Variants in FRMD4A observed in about 807,000 individuals in gnomAD.
FRMD4A encodes the protein FERM domain-containing protein 4A.
Under a neutral mutation model 129.1 loss-of-function variants are expected in FRMD4A, and 29 were observed. The observed-to-expected ratio is 0.22, with a 90% confidence interval of 0.17 to 0.31. The LOEUF is 0.31. Ranked by LOEUF, FRMD4A falls within the 10% of genes least tolerant of loss-of-function variation. FRMD4A has a pLI of 1.00. For missense variants in FRMD4A, 1,272 were observed against 1,375.8 expected (o/e 0.92, Z 1.19); for synonymous variants, 634 against 571.6 (o/e 1.11, Z -1.56).
intron 7 of FRMD4A, 103 bp downstream of exon 7, chr10:13,762,521 C>A: frequency 1.4e-6 from 1 of 704,058 alleles, no homozygotes. Context: ...GGTAAGACGA[C>A]AAATAGTGAG....
At chr10:14,220,929 A>G (rs994288331) in intron 2 of FRMD4A, among the ~76,000 whole-genome samples, 2 of 151,978 alleles carry the variant, frequency 1.3e-5, no homozygotes, top group South Asian at 2.1e-4. Context: ...GAACCCTACC[A>G]TATTGGCTGG....
chr10:14,145,338 C>T (rs894144522), intron 2 of FRMD4A, among the ~76,000 whole-genome samples: 1 of 152,140 alleles, frequency 6.6e-6, no homozygotes, highest in African/African-American at 2.4e-5. Context: ...ATAATGTATA[C>T]AATTAACTAA....
intron 2 of FRMD4A, among the ~76,000 whole-genome samples, chr10:14,247,370 G>A (rs1468535359): frequency 3.3e-5 from 5 of 152,144 alleles, no homozygotes; most frequent in African/African-American, 9.7e-5. Flanking sequence ...ACATTTACAC[G>A]GTGCCCAGAA....
At chr10:13,922,370 A>C (rs577635209) in intron 2 of FRMD4A, among the ~76,000 whole-genome samples, 5 of 152,348 alleles carry the variant, frequency 3.3e-5, no homozygotes, top group African/African-American at 4.8e-5. Context: ...ATGTCAGTAC[A>C]TGTATTATGG....
At chr10:14,162,641 G>GTTTT (rs71388160) in intron 2 of FRMD4A, among the ~76,000 whole-genome samples, 16 of 118,370 alleles carry the variant, frequency 1.4e-4, no homozygotes, top group Non-Finnish European at 1.9e-4. Context: ...TTTTTTTTTT[G>GTTTT]TTTTTTTTTT....
chr10:14,152,512 G>A (rs1190412355), intron 2 of FRMD4A, among the ~76,000 whole-genome samples: 1 of 152,142 alleles, frequency 6.6e-6, no homozygotes, highest in Non-Finnish European at 1.5e-5. Context: ...CAGCATGTTG[G>A]TTGCATTGAC....
intron 2 of FRMD4A, among the ~76,000 whole-genome samples, chr10:14,181,896 G>T (rs1364936993): frequency 6.6e-6 from 1 of 152,114 alleles, no homozygotes; most frequent in African/African-American, 2.4e-5. Flanking sequence ...TTGCCATATT[G>T]ACCAGGCTGG....
intron 2 of FRMD4A, among the ~76,000 whole-genome samples, chr10:14,260,551 G>A (rs745363906): frequency 2.0e-5 from 3 of 152,148 alleles, no homozygotes; most frequent in Non-Finnish European, 4.4e-5. Flanking sequence ...TTCATGGCAT[G>A]GCACCTCAAG....
intron 2 of FRMD4A, among the ~76,000 whole-genome samples, chr10:13,869,530 G>T (rs2094415731): frequency 6.6e-6 from 1 of 152,246 alleles, no homozygotes; most frequent in African/African-American, 2.4e-5. Context: ...AATGACAAGG[G>T]CAGATGGACG....
intron 2 of FRMD4A, among the ~76,000 whole-genome samples, chr10:14,185,576 C>CA (rs1842083606): frequency 2.0e-5 from 3 of 152,074 alleles, no homozygotes; most frequent in African/African-American, 7.2e-5. Flanking sequence ...GGTTCAATCT[C>CA]GTCTTGTAAG....
intron 2 of FRMD4A, among the ~76,000 whole-genome samples, chr10:13,918,147 T>C (rs1008717049): frequency 2.0e-5 from 3 of 152,224 alleles, no homozygotes; most frequent in Admixed American, 2.0e-4. Flanking sequence ...GCATGTTTAT[T>C]TATTTGTCCA....
In FRMD4A at chr10:13,961,728, C is replaced by T. The variant is rs560198234; in HGVS notation, c.46-102816G>A. ...GTTACCAGGTGCCTTGTCCTCAAAG[C>T]ATTGACCTCCAATTTTAATTTGACT... On this transcript the variant is annotated intron_variant, in intron 2 of 24. Transcript: ENST00000357447. Among the ~76,000 whole-genome samples the T allele has an allele frequency of 2.5e-4, 38 of 152,308 alleles. 2 individuals are homozygous for T. In the South Asian group the frequency reaches 7.5e-3, roughly 30 times the overall value.
chr10:13,850,994 C>A (rs1329227398), intron 3 of FRMD4A, among the ~76,000 whole-genome samples: 4 of 152,210 alleles, frequency 2.6e-5, no homozygotes, highest in African/African-American at 9.6e-5. Context: ...GCGGGTGGAT[C>A]ACCTGAGATC....
intron 4 of FRMD4A, among the ~76,000 whole-genome samples, chr10:13,798,157 T>A (rs1394089102): frequency 1.3e-5 from 2 of 151,676 alleles, no homozygotes; most frequent in Admixed American, 6.6e-5. Flanking sequence ...ACGCCTGTAA[T>A]CCCAGCACTT....
chr10:13,703,199 G>A (rs1382472847), intron 13 of FRMD4A, among the ~76,000 whole-genome samples: 4 of 152,186 alleles, frequency 2.6e-5, no homozygotes, highest in Non-Finnish European at 5.9e-5. Context: ...GAGGGCAGAA[G>A]AGGTAAGTGG....
intron 16 of FRMD4A, among the ~76,000 whole-genome samples, chr10:13,673,483 A>C (rs947710804): frequency 6.6e-6 from 1 of 152,146 alleles, no homozygotes; most frequent in Non-Finnish European, 1.5e-5. Flanking sequence ...TTTACCGGCG[A>C]AGCTCTTTCT....
chr10:14,260,919 C>T (rs1296605726), intron 2 of FRMD4A, among the ~76,000 whole-genome samples: 1 of 152,238 alleles, frequency 6.6e-6, no homozygotes, highest in East Asian at 1.9e-4. Context: ...GGCTTGGCCA[C>T]TAACTCCATT....
intron 3 of FRMD4A, among the ~76,000 whole-genome samples, chr10:13,820,900 G>A (rs2093620246): frequency 6.6e-6 from 1 of 152,246 alleles, no homozygotes; most frequent in Non-Finnish European, 1.5e-5. Flanking sequence ...GAGTGACTGT[G>A]AAACGTGGCC....
intron 19 of FRMD4A, among the ~76,000 whole-genome samples, chr10:13,662,916 C>T (rs1314650420): frequency 2.0e-5 from 3 of 146,708 alleles, no homozygotes; most frequent in South Asian, 2.2e-4. Flanking sequence ...TCTAGCTAAA[C>T]GTGGTTTTGG....
Sources: gnomAD v4.1 joint callset for allele counts (sites outside exome capture counted in the v4.1 genomes callset) on GRCh38, gnomAD v4.1.1 for gene constraint, MANE v1.5 for transcripts, NCBI Gene and HGNC (gene_info 2026-07-23, HGNC 2026-07-21) for gene names.